FSIP1: variants seen among roughly 807,000 people sequenced by gnomAD.
The protein encoded by FSIP1 is fibrous sheath interacting protein 1.
A neutral mutation model predicts 60.9 loss-of-function variants in FSIP1; 65 were observed. That is an observed-to-expected ratio of 1.07 (90% CI 0.87 to 1.31). FSIP1 has a LOEUF of 1.31. FSIP1 is among the 40% of genes most tolerant of loss of function. The probability of loss-of-function intolerance (pLI) is 0.00; values close to 1 mark genes in which losing one functional copy is unlikely to be tolerated. For missense variants in FSIP1, 675 were observed against 665.5 expected, an observed-to-expected ratio of 1.01 and a Z score of -0.16; for synonymous variants, 209 against 221.2, an observed-to-expected ratio of 0.94 and a Z score of 0.49.
intron 10 of FSIP1, among the ~76,000 whole-genome samples, chr15:39,637,851 A>T (rs1434566061): frequency 6.6e-6 from 1 of 152,248 alleles, no homozygotes; most frequent in Non-Finnish European, 1.5e-5. Flanking sequence ...TTGGGGAAGC[A>T]TCATTACAGA....
intron 10 of FSIP1, among the ~76,000 whole-genome samples, chr15:39,657,101 T>G (rs1893102091): frequency 6.6e-6 from 1 of 152,212 alleles, no homozygotes; most frequent in African/African-American, 2.4e-5. Context: ...AACACAAGTC[T>G]CAAAGACCGG....
intron 10 of FSIP1, among the ~76,000 whole-genome samples, chr15:39,713,003 T>C (rs1170183798): frequency 1.3e-5 from 2 of 152,218 alleles, no homozygotes; most frequent in Non-Finnish European, 2.9e-5. Flanking sequence ...GTCAGAATAT[T>C]AGGATTATGG....
At chr15:39,726,372 T>A (rs927155645) in intron 9 of FSIP1, among the ~76,000 whole-genome samples, 23 of 152,072 alleles carry the variant, frequency 1.5e-4, no homozygotes, top group Non-Finnish European at 1.8e-4. Context: ...CATAGAGATA[T>A]AATAATATTA....
At chr15:39,750,027 C>A (rs1323269587) in intron 5 of FSIP1, among the ~76,000 whole-genome samples, 1 of 151,310 alleles carries the variant, frequency 6.6e-6, no homozygotes, top group African/African-American at 2.4e-5. Flanking sequence ...ACAACCTAGC[C>A]TAAAAAAATC....
chr15:39,663,418 T>C (rs1422401806), intron 10 of FSIP1, among the ~76,000 whole-genome samples: 1 of 152,176 alleles, frequency 6.6e-6, no homozygotes, highest in African/African-American at 2.4e-5. Context: ...AAATAACCTC[T>C]ATATCTGTCT....
intron 8 of FSIP1, among the ~76,000 whole-genome samples, chr15:39,737,487 C>T (rs914866070): frequency 6.6e-6 from 1 of 152,172 alleles, no homozygotes; most frequent in Admixed American, 6.5e-5. Context: ...GACAGAAAAA[C>T]ACATTCATAT....
chr15:39,760,282 T>G (rs1355998345), intron 5 of FSIP1, among the ~76,000 whole-genome samples: 2 of 152,170 alleles, frequency 1.3e-5, no homozygotes, highest in Non-Finnish European at 2.9e-5. Flanking sequence ...TACTGATTGA[T>G]GCTGAAATTA....
chr15:39,720,753 TG>T (rs11297790), intron 9 of FSIP1, among the ~76,000 whole-genome samples: 9,649 of 152,174 alleles, frequency 0.063, 712 homozygotes, highest in East Asian at 0.21. Flanking sequence ...AGTTTTATGG[TG>T]GGATTTACAA....
intron 10 of FSIP1, among the ~76,000 whole-genome samples, chr15:39,667,854 G>A (rs1428837020): frequency 1.3e-5 from 2 of 152,330 alleles, no homozygotes; most frequent in East Asian, 1.9e-4. Context: ...AGGAATTAGT[G>A]AGTTTGAAAA....
At chr15:39,745,285 G>C (rs1248853029) in intron 5 of FSIP1, among the ~76,000 whole-genome samples, 1 of 152,126 alleles carries the variant, frequency 6.6e-6, no homozygotes, top group Non-Finnish European at 1.5e-5. Context: ...GTCATCTATA[G>C]ATTCTTGGAA....
intron 10 of FSIP1, among the ~76,000 whole-genome samples, chr15:39,706,049 C>A (rs139209355): frequency 6.6e-6 from 1 of 151,278 alleles, no homozygotes; most frequent in Non-Finnish European, 1.5e-5. Context: ...ACAAAGTCCA[C>A]GTACTTGTCA....
intron 9 of FSIP1, among the ~76,000 whole-genome samples, chr15:39,715,270 T>C (rs1895696319): frequency 6.6e-6 from 1 of 152,080 alleles, no homozygotes; most frequent in Admixed American, 6.5e-5. Context: ...CTCCTGAGAC[T>C]CCTACCCATT....
intron 9 of FSIP1, among the ~76,000 whole-genome samples, chr15:39,715,536 T>C (rs1043507318): frequency 1.3e-5 from 2 of 152,228 alleles, no homozygotes; most frequent in Non-Finnish European, 1.5e-5. Context: ...GTAAAATTCT[T>C]ATTGTATACA....
intron 3 of FSIP1, among the ~76,000 whole-genome samples, chr15:39,769,227 C>T (rs961012251): frequency 1.8e-4 from 27 of 149,598 alleles, no homozygotes; most frequent in African/African-American, 6.4e-4. Context: ...TGCAGTGAGC[C>T]GAGATCGCGC....
At chr15:39,624,618 C>G (rs1378819902) in intron 10 of FSIP1, among the ~76,000 whole-genome samples, 3 of 152,180 alleles carry the variant, frequency 2.0e-5, no homozygotes, top group Non-Finnish European at 4.4e-5. Context: ...GCTTGTTCTT[C>G]CTTCCTCTCC....
chr15:39,730,669 A>T (rs1173966880), intron 8 of FSIP1, among the ~76,000 whole-genome samples: 2 of 152,134 alleles, frequency 1.3e-5, no homozygotes, highest in African/African-American at 4.8e-5. Context: ...TCACGACAAG[A>T]CACTCCTCCC....
At chr15:39,717,412 C>T (rs979874064) in intron 9 of FSIP1, among the ~76,000 whole-genome samples, 4 of 152,060 alleles carry the variant, frequency 2.6e-5, no homozygotes, top group African/African-American at 9.7e-5. Context: ...TATTTTTTCC[C>T]CTTCCCCTAA....
chr15:39,665,574 T>C (rs892355556), intron 10 of FSIP1, among the ~76,000 whole-genome samples: 1 of 152,144 alleles, frequency 6.6e-6, no homozygotes, highest in African/African-American at 2.4e-5. Flanking sequence ...TTCCCCAAGG[T>C]CACAGACTAA....
intron 11 of FSIP1, among the ~76,000 whole-genome samples, chr15:39,608,359 G>A (rs1166820601): frequency 6.6e-6 from 1 of 152,150 alleles, no homozygotes; most frequent in Non-Finnish European, 1.5e-5. Flanking sequence ...CCCAGTGACA[G>A]ATATGCATCA....
Sources: allele counts gnomAD v4.1 joint callset (sites outside exome capture counted in the v4.1 genomes callset), GRCh38; gene constraint gnomAD v4.1.1; transcripts MANE v1.5; gene names NCBI Gene and HGNC (gene_info 2026-07-23, HGNC 2026-07-21).